DIS3L: variants seen among roughly 807,000 people sequenced by gnomAD.
DIS3L encodes DIS3-like exonuclease 1.
Under a neutral mutation model 120.3 loss-of-function variants are expected in DIS3L, and 100 were observed. The observed-to-expected ratio is 0.83, with a 90% CI of 0.71 to 0.98. The LOEUF (loss-of-function observed/expected upper bound fraction) is 0.98. DIS3L is among the 50% of genes least tolerant of loss of function. The probability of loss-of-function intolerance (pLI) is 0.00; values close to 1 mark genes in which losing one functional copy is unlikely to be tolerated. For missense variants in DIS3L, 1,196 were observed against 1,314.2 expected (o/e 0.91, Z 1.39); for synonymous variants, 426 against 470.6 (o/e 0.91, Z 1.23).
At chr15:66,325,479 G>T (rs2092926038) in intron 11 of DIS3L, among the ~76,000 whole-genome samples, 1 of 152,224 alleles carries the variant, frequency 6.6e-6, no homozygotes, top group Admixed American at 6.5e-5. Flanking sequence ...ACAGTCCCCA[G>T]TCTAACTTTG....
Position 66,325,956 on chromosome 15 carries a change from A to T in DIS3L, c.1793A>T (p.Asp598Val). 1 of 1,614,188 alleles carries T rather than the reference A, an allele frequency of 6.2e-7. No homozygotes were observed. Among genetic ancestry groups the T allele is most frequent in the Non-Finnish European group, 8.5e-7 (1 of 1,180,032 alleles). Residue 598 changes from aspartate to valine, a missense_variant, in exon 12 of 17, where the codon GAT becomes GTT. Physicochemically the swap from Asp to Val is radical, Grantham distance 152 (BLOSUM62 -3). Coordinates refer to ENST00000319212, the MANE Select transcript of DIS3L (RefSeq NM_001143688.3). ...TATGAAGCAGCCCAAGAACTACTGG[A>T]TGGAAACTTAAGCGTTGTTGATGAT... ...LFYEAAQELL[D>V]GNLSVVDDIP...
intron 2 of DIS3L, among the ~76,000 whole-genome samples, chr15:66,302,958 T>C (rs2092664333): frequency 6.6e-6 from 1 of 152,206 alleles, no homozygotes; most frequent in Non-Finnish European, 1.5e-5. Context: ...ACTGAAACTC[T>C]ATACCCCTTA....
chr15:66,303,887 C>G (rs1223237149), intron 2 of DIS3L, among the ~76,000 whole-genome samples: 1 of 150,242 alleles, frequency 6.7e-6, no homozygotes. Context: ...GTCAGGAGAT[C>G]GAGACCATCC....
At chr15:66,294,843 C>G (rs2092567880) in intron 1 of DIS3L, 145 bp from the exon 2 acceptor site, 1 of 852,900 alleles carries the variant, frequency 1.2e-6, no homozygotes, top group East Asian at 2.7e-5. Context: ...AACTTTGGGC[C>G]TCTACCAAAG....
chr15:66,298,156 G>A (rs1041542137), intron 2 of DIS3L, among the ~76,000 whole-genome samples: 6 of 105,418 alleles, frequency 5.7e-5, no homozygotes, highest in Non-Finnish European at 1.1e-4. Flanking sequence ...TCCAGCCTGG[G>A]CAACAAAAGC....
chr15:66,298,804 G>A (rs561686368), intron 2 of DIS3L, among the ~76,000 whole-genome samples: 1 of 152,344 alleles, frequency 6.6e-6, no homozygotes, highest in East Asian at 1.9e-4. Flanking sequence ...GTTCACATGT[G>A]TGTTGGTTTA....
intron 3 of DIS3L, among the ~76,000 whole-genome samples, chr15:66,307,579 GATGTCAGCCACTGTGCCCGGC>G (rs2092714497): frequency 6.6e-6 from 1 of 152,220 alleles, no homozygotes; most frequent in African/African-American, 2.4e-5. Flanking sequence ...TGGGATTATA[GATGTCAGCCACTGTGCCCGGC>G]CAGGCTCCTA....
chr15:66,302,566 C>G (rs1230869185), intron 2 of DIS3L, among the ~76,000 whole-genome samples: 1 of 152,182 alleles, frequency 6.6e-6, no homozygotes, highest in African/African-American at 2.4e-5. Context: ...AGCATTGATT[C>G]AGCACCTGGG....
chr15:66,317,667 CAATG>C (rs936943179), intron 7 of DIS3L, among the ~76,000 whole-genome samples: 11 of 152,002 alleles, frequency 7.2e-5, no homozygotes, highest in African/African-American at 2.7e-4. Flanking sequence ...AGCATACTGA[CAATG>C]TTATTTTAAA....
intron 1 of DIS3L, chr15:66,294,398 T>TG: frequency 2.0e-6 from 2 of 985,574 alleles, no homozygotes; most frequent in Non-Finnish European, 2.4e-6. Context: ...GAGAATGGGC[T>TG]GGGGGTCCTT....
chr15:66,329,455 G>T, intron 14 of DIS3L, 56 bp downstream of exon 14: 1 of 1,550,482 alleles, frequency 6.4e-7, no homozygotes, highest in Non-Finnish European at 8.7e-7. Context: ...GAAAATATCA[G>T]CTTTATTGTG....
At chr15:66,295,540 T>G (rs550631843) in intron 2 of DIS3L, among the ~76,000 whole-genome samples, 1 of 152,362 alleles carries the variant, frequency 6.6e-6, no homozygotes, top group South Asian at 2.1e-4. Flanking sequence ...ACTTTATTTT[T>G]AAATTTTAGA....
chr15:66,301,873 T>G (rs2092651663), intron 2 of DIS3L, among the ~76,000 whole-genome samples: 2 of 152,252 alleles, frequency 1.3e-5, no homozygotes, highest in Admixed American at 1.3e-4. Context: ...ATTTGTTTTA[T>G]CTGGCTGATA....
chr15:66,293,669 C>G lies in DIS3L; in HGVS notation c.73C>G (p.His25Asp). The G allele has an allele frequency of 7.0e-7, 1 of 1,425,868 alleles. No individual in the cohort carries two copies. The allele number at this position is 1,425,868 out of a possible 1,614,324, so 88.3% of individuals were successfully genotyped here. A position where few individuals can be genotyped will look rare whatever the true frequency, so the allele number is the denominator to read the frequency against. ...QGRTLRIVREHYLRPCVPCHS... is the reference protein window; with the variant it reads ...QGRTLRIVREDYLRPCVPCHS... ...CCGCACGCTGCGGATCGTGCGCGAG[C>G]ACTACCTGCGGCCCTGCGTGCCCTG... Residue 25 changes from histidine (H) to aspartate (D), a missense_variant, in exon 1 of 17, where the codon CAC becomes GAC. His to Asp is a moderately conservative substitution (Grantham distance 81). Coordinates refer to ENST00000319212, the MANE Select transcript of DIS3L (RefSeq NM_001143688.3).
chr15:66,296,896 T>C (rs544255521), intron 2 of DIS3L, among the ~76,000 whole-genome samples: 2 of 152,286 alleles, frequency 1.3e-5, no homozygotes, highest in South Asian at 4.1e-4. Flanking sequence ...AAGACAGTTA[T>C]TATGAAGCGC....
chr15:66,333,393 A>G lies in DIS3L; in HGVS notation c.*81A>G. The stretch of plus-strand genomic sequence containing the variant: ...ACTTAACATTTAATGTGTGTCACTC[A>G]GTGCTCTAGTCGATCAGGACTGGGT... On this transcript the variant is annotated 3_prime_UTR_variant, in exon 17 of 17. Coordinates refer to ENST00000319212, the MANE Select transcript of DIS3L (RefSeq NM_001143688.3). 7.4e-7 allele frequency: 1 copy of G among 1,354,856 alleles called. No homozygotes were observed. Among genetic ancestry groups the G allele is most frequent in the Non-Finnish European group, 1.0e-6 (1 of 997,538 alleles). The allele number at this position is 1,354,856 out of a possible 1,614,324, so 83.9% of individuals were successfully genotyped here. A position where few individuals can be genotyped will look rare whatever the true frequency, so the allele number is the denominator to read the frequency against.
At chr15:66,331,775 A>T in intron 14 of DIS3L, 100 bp from the exon 15 acceptor site, 1 of 1,296,080 alleles carries the variant, frequency 7.7e-7, no homozygotes, top group Non-Finnish European at 1.0e-6. Context: ...TTTTTATATT[A>T]ATAGTTTTAC....
chr15:66,332,198 T>A (rs561110119), intron 15 of DIS3L, among the ~76,000 whole-genome samples, 178 bp downstream of exon 15: 1 of 152,356 alleles, frequency 6.6e-6, no homozygotes, highest in East Asian at 1.9e-4. Context: ...GGCTCACGCC[T>A]ATAATCCCAG....
intron 7 of DIS3L, among the ~76,000 whole-genome samples, chr15:66,315,852 T>C (rs873165): frequency 0.14 from 20,756 of 152,204 alleles, 1,542 homozygotes; most frequent in Non-Finnish European, 0.16. Context: ...AGTGACCCCA[T>C]TGCCTGAGCA....
Sources: gnomAD v4.1 joint callset for allele counts (sites outside exome capture counted in the v4.1 genomes callset) on GRCh38, gnomAD v4.1.1 for gene constraint, MANE v1.5 for transcripts, NCBI Gene and HGNC (gene_info 2026-07-23, HGNC 2026-07-21) for gene names.